RARG: variants seen among roughly 807,000 people sequenced by gnomAD.
RARG encodes retinoic acid receptor gamma, also known as RAR-gamma.
In RARG, 17 loss-of-function variants were observed where a neutral mutation model predicts 43.7. The ratio of observed to expected loss-of-function variants is 0.39; its 90% CI spans 0.27 to 0.58. RARG has a LOEUF of 0.58. Among genes scored for constraint, RARG ranks in the 20% least tolerant of loss-of-function variants. The pLI is 0.57. For missense variants in RARG, 346 were observed against 598.7 expected (o/e 0.58, Z 4.40); for synonymous variants, 238 against 236.4 (o/e 1.01, Z -0.06).
At chr12:53,217,225 G>A (rs1332457510) in intron 3 of RARG, among the ~76,000 whole-genome samples, 2 of 152,156 alleles carry the variant, frequency 1.3e-5, no homozygotes, top group Non-Finnish European at 2.9e-5. Context: ...GGAGAGGGGG[G>A]AAAGAAGGGT....
intron 2 of RARG, among the ~76,000 whole-genome samples, chr12:53,230,782 C>A (rs1225095196): frequency 1.4e-5 from 2 of 139,928 alleles, no homozygotes; most frequent in African/African-American, 5.5e-5. Context: ...TGGGGGTGTG[C>A]CGGGGTGTGG....
rs758575404 is a variant in RARG, at chr12:53,211,878, G to A, written c.1178-15C>T. ...CCTTTCAGCTCCTACAATGGAGAGAGAAAGAGAGAGGCTCAGGAGGACAGA... is the reference window on the plus strand; with the variant it reads ...CCTTTCAGCTCCTACAATGGAGAGAAAAAGAGAGAGGCTCAGGAGGACAGA... On this transcript the variant is annotated splice_polypyrimidine_tract_variant and intron_variant, in intron 9 of 9. Transcript: ENST00000425354. This position sits in a 1 kb window ranked among gnomAD's most constrained non-coding sequence, Gnocchi z 4.6. 1 of 1,412,560 alleles carries A rather than the reference G, an allele frequency of 7.1e-7. No homozygotes were observed. Among genetic ancestry groups the A allele is most frequent in the East Asian group, 2.7e-5 (1 of 37,180 alleles). The allele number at this position is 1,412,560 out of a possible 1,614,324, so 87.5% of individuals were successfully genotyped here. A position where few individuals can be genotyped will look rare whatever the true frequency, so the allele number is the denominator to read the frequency against.
At chr12:53,221,690 G>A (rs1942967301) in intron 3 of RARG, among the ~76,000 whole-genome samples, 2 of 152,036 alleles carry the variant, frequency 1.3e-5, no homozygotes, top group South Asian at 4.2e-4. Context: ...GGGGGACCCT[G>A]GCCCCGGACA....
In RARG at chr12:53,227,555, G is replaced by A. The variant is rs772558570; in HGVS notation, c.-10C>T. On this transcript the variant is annotated 5_prime_UTR_variant, in exon 3 of 10. Transcript: ENST00000425354. The surrounding 1 kb of genome is among the most constrained non-coding windows in gnomAD (Gnocchi z 4.3). The stretch of plus-strand genomic sequence containing the variant: ...CCTTATTGGTGGCCATGGCAGCTGC[G>A]GTGTGAGAGTCCCCTGGGGTCTGCA... 5.8e-6 allele frequency: 9 copies of A among 1,557,284 alleles called. No homozygotes were observed. Among genetic ancestry groups the A allele is most frequent in the African/African-American group, 2.7e-5 (2 of 73,138 alleles).
chr12:53,223,526 C>A (rs868218491), intron 3 of RARG, among the ~76,000 whole-genome samples: 64 of 148,492 alleles, frequency 4.3e-4, no homozygotes, highest in Admixed American at 6.0e-4. Flanking sequence ...TCCCCCCGCC[C>A]CCCCCCCGCC....
chr12:53,221,609 C>G (rs888751054), intron 3 of RARG, among the ~76,000 whole-genome samples: 8 of 152,210 alleles, frequency 5.3e-5, no homozygotes, highest in African/African-American at 1.9e-4. Context: ...CCTCGCCCGG[C>G]GGAGAAGGGG....
chr12:53,224,918 T>C (rs1943070603), intron 3 of RARG, among the ~76,000 whole-genome samples: 1 of 152,304 alleles, frequency 6.6e-6, no homozygotes, highest in Admixed American at 6.5e-5. Context: ...GATCTCAGTG[T>C]GTCCATGGCA....
intron 3 of RARG, among the ~76,000 whole-genome samples, chr12:53,223,686 T>G (rs1943039531): frequency 6.6e-6 from 1 of 152,254 alleles, no homozygotes; most frequent in African/African-American, 2.4e-5. Context: ...CTTACCCGCC[T>G]GCTTGTTCTC....
At position 53,211,986 on chromosome 12, in the gene RARG, A is replaced by T. The variant is rs1555179957; in HGVS notation, c.1178-123T>A. The stretch of plus-strand genomic sequence containing the variant: ...AGGGGGCGCCCAGCACAGGCCCACC[A>T]CCTCTCCGTCCCCAGCTCATCCTCT... On this transcript the variant is annotated intron_variant, in intron 9 of 9. Coordinates refer to ENST00000425354, the MANE Select transcript of RARG (RefSeq NM_000966.6). The surrounding 1 kb of genome is among the most constrained non-coding windows in gnomAD (Gnocchi z 4.6). 1.6e-6 allele frequency: 1 copy of T among 623,654 alleles called. No homozygotes were observed. The highest frequency in any genetic ancestry group is 2.4e-6 in the Non-Finnish European group (1 of 422,994). The allele number at this position is 623,654 out of a possible 1,614,324, so 38.6% of individuals were successfully genotyped here. A position where few individuals can be genotyped will look rare whatever the true frequency, so the allele number is the denominator to read the frequency against.
At chr12:53,225,587 C>T (rs748408315) in intron 3 of RARG, among the ~76,000 whole-genome samples, 4 of 152,228 alleles carry the variant, frequency 2.6e-5, no homozygotes, top group African/African-American at 4.8e-5. Context: ...GCTCGTGGAG[C>T]CATGAAGGAT....
Position 53,213,050 on chromosome 12 carries a change from G to C in RARG, c.1177+35C>G, listed in dbSNP as rs1005124392. Reference sequence around the variant, plus strand: ...CCGACCTGGGAGACCAACAGCCCTGGGAAGACAGAGAGGGGACACCCACTC... The same window carrying C: ...CCGACCTGGGAGACCAACAGCCCTGCGAAGACAGAGAGGGGACACCCACTC... On this transcript the variant is annotated intron_variant, in intron 9 of 9. Coordinates refer to ENST00000425354, the MANE Select transcript of RARG (RefSeq NM_000966.6). The surrounding 1 kb of genome is among the most constrained non-coding windows in gnomAD (Gnocchi z 4.7). The C allele has an allele frequency of 1.9e-6, 3 of 1,584,568 alleles. No individual in the cohort carries two copies. Among genetic ancestry groups the C allele is most frequent in the Non-Finnish European group, 2.6e-6 (3 of 1,162,582 alleles).
rs926538275 is a variant in RARG, at chr12:53,215,632, C to A, written c.333+14G>T. 9.3e-6 allele frequency: 15 copies of A among 1,608,020 alleles called. No homozygotes were observed. In the Admixed American group the frequency reaches 1.0e-4, roughly 11 times the overall value. On this transcript the variant is annotated intron_variant, in intron 4 of 9. Transcript: ENST00000425354. This position sits in a 1 kb window ranked among gnomAD's most constrained non-coding sequence, Gnocchi z 6.4. ...ACTGGATCCCCCGTCTGCCCACTCC[C>A]ACCACGTACACACCTTGCAGCCTTC...
Position 53,213,165 on chromosome 12 carries a change from C to T in RARG, c.1097G>A (p.Arg366Gln), listed in dbSNP as rs1446141610. 2.5e-6 allele frequency: 4 copies of T among 1,613,234 alleles called. No homozygotes were observed. The highest frequency in any genetic ancestry group is 1.7e-5 in the Admixed American group (1 of 59,998). The change falls in exon 9 of 10, where the codon CGG becomes CAG. Residue 366 changes from arginine to glutamine, a missense_variant. Transcript: ENST00000425354. This position sits in a 1 kb window ranked among gnomAD's most constrained non-coding sequence, Gnocchi z 4.7. Reference sequence around the variant, plus strand: ...GTAGGGCTGGCTGGGCCGCCGGCGCCGGGCGTACAGCCTCAGGGCTTCCAG... The same window carrying T: ...GTAGGGCTGGCTGGGCCGCCGGCGCTGGGCGTACAGCCTCAGGGCTTCCAG... ...PLLEALRLYA[R>Q]RRRPSQPYMF...
chr12:53,224,744 C>G (rs1053312861), intron 3 of RARG, among the ~76,000 whole-genome samples: 1 of 151,950 alleles, frequency 6.6e-6, no homozygotes, highest in Non-Finnish European at 1.5e-5. Flanking sequence ...CTTCCCTGCC[C>G]AGGCCTGTCC....
intron 3 of RARG, among the ~76,000 whole-genome samples, chr12:53,218,616 G>T (rs1942845317): frequency 6.6e-6 from 1 of 151,700 alleles, no homozygotes; most frequent in East Asian, 1.9e-4. Flanking sequence ...AGTCAAGTCC[G>T]GTCTCCTGGT....
chr12:53,227,804 C>T lies in RARG; in HGVS notation c.-142-117G>A, dbSNP rs146457812. The T allele has an allele frequency of 1.6e-4, 127 of 782,534 alleles. No homozygotes were observed. The African/African-American group carries it at 2.1e-3, about 13-fold the overall frequency. The allele number at this position is 782,534 out of a possible 1,614,324, so 48.5% of individuals were successfully genotyped here. Reference sequence around the variant, plus strand: ...TCTGTGCTGCTACAGTTTATCCTGCCCTGGCTCAGGGCCCTTGCAGTGTGG... The same window carrying T: ...TCTGTGCTGCTACAGTTTATCCTGCTCTGGCTCAGGGCCCTTGCAGTGTGG... On this transcript the variant is annotated intron_variant, in intron 2 of 9. Transcript: ENST00000425354. This position sits in a 1 kb window ranked among gnomAD's most constrained non-coding sequence, Gnocchi z 4.3.
intron 3 of RARG, among the ~76,000 whole-genome samples, chr12:53,221,454 T>C (rs969421762): frequency 2.6e-5 from 4 of 152,152 alleles, no homozygotes; most frequent in Admixed American, 2.6e-4. Flanking sequence ...CCCTCGGCAA[T>C]AGGGGCGCTT....
intron 7 of RARG, 24 bp downstream of exon 7, chr12:53,214,035 C>T (rs1295521787): frequency 1.4e-5 from 23 of 1,589,100 alleles, no homozygotes; most frequent in Non-Finnish European, 2.0e-5. Flanking sequence ...CGGGCTGTGG[C>T]AGGACCCACA....
At position 53,215,867 on chromosome 12, in the gene RARG, C is replaced by T; in HGVS notation, c.185-73G>A. On this transcript the variant is annotated intron_variant, in intron 3 of 9. Transcript: ENST00000425354. This position sits in a 1 kb window ranked among gnomAD's most constrained non-coding sequence, Gnocchi z 6.4. ...GACCTCCAGGCTTCCTCATCACACACACCCCATGTGCATTTGTTCCTTGGC... is the reference window on the plus strand; with the variant it reads ...GACCTCCAGGCTTCCTCATCACACATACCCCATGTGCATTTGTTCCTTGGC... 3 of 1,454,806 alleles carry T rather than the reference C, an allele frequency of 2.1e-6. No homozygotes were observed. Among genetic ancestry groups the T allele is most frequent in the South Asian group, 1.3e-5 (1 of 74,652 alleles). 90.1% of individuals were successfully genotyped at this position (1,454,806 alleles called of 1,614,324 possible).
Sources: gnomAD v4.1 joint callset for allele counts (sites outside exome capture counted in the v4.1 genomes callset) on GRCh38, gnomAD v4.1.1 for gene constraint, Gnocchi (gnomAD v3.1) non-coding constraint, MANE v1.5 for transcripts, NCBI Gene and HGNC (gene_info 2026-07-23, HGNC 2026-07-21) for gene names.